Variants in KRT1 observed in about 807,000 individuals in gnomAD.
KRT1 encodes keratin, type II cytoskeletal 1.
In KRT1, 28 loss-of-function variants were observed where a neutral mutation model predicts 51.6. The ratio of observed to expected loss-of-function variants is 0.54; its 90% CI spans 0.40 to 0.74. The LOEUF is 0.74. Among genes scored for constraint, KRT1 ranks in the 30% least tolerant of loss-of-function variants. The probability of loss-of-function intolerance (pLI) is 0.00; values close to 1 mark genes in which losing one functional copy is unlikely to be tolerated. For synonymous variants in KRT1, 301 were observed against 307.7 expected (o/e 0.98, Z 0.23); for missense variants, 783 against 815.5 (o/e 0.96, Z 0.49).
rs375014464 is a variant in KRT1 at position 52,678,234 on chromosome 12, G to A, written c.807-11C>T. 1.1e-5 allele frequency: 17 copies of A among 1,613,754 alleles called. No individual in the cohort carries two copies. The highest frequency in any genetic ancestry group is 9.9e-5 in the South Asian group (9 of 91,060). On this transcript the variant is annotated splice_polypyrimidine_tract_variant and intron_variant, in intron 2 of 8. Coordinates refer to ENST00000252244, the MANE Select transcript of KRT1 (RefSeq NM_006121.4). ...ATTTCATCCTCATACCTGCAGGAAA[G>A]CAGAAACAATTAGGAGATTCAGAGG...
Position 52,679,878 on chromosome 12 carries a change from G to A in KRT1, c.471C>T (p.Ile157=), listed in dbSNP as rs751192331. 3.7e-6 allele frequency: 6 copies of A among 1,613,958 alleles called. No homozygotes were observed. The highest frequency in any genetic ancestry group is 1.3e-5 in the African/African-American group (1 of 74,882). Residue 157 remains isoleucine, a synonymous_variant, in exon 1 of 9, where the codon ATC becomes ATT. Coordinates refer to ENST00000252244, the MANE Select transcript of KRT1 (RefSeq NM_006121.4). ...TGAGGGGCTGAAGAAGGCTCTGGTT[G>A]ATAGTGACTTCTTGTATGCCACCAG... ...CPPGGIQEVT[I]NQSLLQPLNV...
intron 7 of KRT1, 131 bp from the exon 8 acceptor site, chr12:52,675,875 C>A (rs988021752): frequency 1.9e-6 from 2 of 1,055,252 alleles, no homozygotes; most frequent in Non-Finnish European, 2.9e-6. Context: ...GAAACTTAAT[C>A]CAATCCCCTC....
chr12:52,679,409 T>A (rs1284211757), intron 1 of KRT1, among the ~76,000 whole-genome samples: 2 of 152,144 alleles, frequency 1.3e-5, no homozygotes, highest in Non-Finnish European at 2.9e-5. Context: ...TAGGAAGACC[T>A]TTCCAGGGTT....
At chr12:52,676,940 G>C in intron 6 of KRT1, 119 bp downstream of exon 6, 1 of 1,340,386 alleles carries the variant, frequency 7.5e-7, no homozygotes, top group Non-Finnish European at 1.1e-6. Flanking sequence ...AAAGGAACCA[G>C]GGATAATAAT....
intron 2 of KRT1, 142 bp downstream of exon 2, chr12:52,678,400 T>C (rs113126271): frequency 9.4e-7 from 1 of 1,060,892 alleles, no homozygotes; most frequent in South Asian, 1.3e-5. Flanking sequence ...CCTGAGAAAA[T>C]GAAGATTTCT....
Position 52,677,692 on chromosome 12 carries a change from G to A in KRT1, c.921C>T (p.Asn307=), listed in dbSNP as rs202173344. 3.7e-5 allele frequency: 60 copies of A among 1,614,084 alleles called. No homozygotes were observed. Among genetic ancestry groups the A allele is most frequent in the Non-Finnish European group, 4.8e-5 (57 of 1,180,054 alleles). ...TKVDLQAKLD[N]LQQEIDFLTA... is the part of the protein sequence containing the mutation. ...TAAGGAAATCAATTTCCTGCTGCAA[G>A]TTGTCAAGTTTGGCCTGAAGGTCCA... is the stretch of plus-strand genomic sequence containing the variant. The change falls in exon 4 of 9, where the codon AAC becomes AAT. Residue 307 remains asparagine (N), a synonymous_variant. Transcript: ENST00000252244.
chr12:52,676,208 A>G (rs3891204), intron 7 of KRT1, 67 bp downstream of exon 7: 10 of 1,329,056 alleles, frequency 7.5e-6, no homozygotes, highest in Non-Finnish European at 1.1e-5. Flanking sequence ...TGCATCTTCA[A>G]CAACAATCAG....
In KRT1 at chr12:52,680,065, C is replaced by A. The variant is rs754553875; in HGVS notation, c.284G>T (p.Gly95Val). ...GCCACCACCACCAAAGCCACCACCA[C>A]CATAACCACCACCAAAGCCACTACC... The part of the protein sequence containing the change: ...GRGSGFGGGY[G>V]GGGFGGGGFG... Residue 95 changes from glycine to valine, a missense_variant, in exon 1 of 9, where the codon GGT (glycine) becomes GTT (valine). Physicochemically the swap from Gly to Val is moderately radical, Grantham distance 109 (BLOSUM62 -3). Transcript: ENST00000252244. The A allele has an allele frequency of 7.1e-6, 11 of 1,554,956 alleles. No homozygotes were observed. Among genetic ancestry groups the A allele is most frequent in the Non-Finnish European group, 8.7e-6 (10 of 1,149,022 alleles).
chr12:52,678,658 G>T lies in KRT1; in HGVS notation c.690C>A (p.Tyr230Ter). 6.2e-7 allele frequency: 1 copy of T among 1,614,214 alleles called. No homozygotes were observed. Among genetic ancestry groups the T allele is most frequent in the Non-Finnish European group, 8.5e-7 (1 of 1,180,040 alleles). The stretch of plus-strand genomic sequence containing the variant: ...GGAGATTGTTGATGAATGACTCAAA[G>T]TAGGGCTCTAAATTATGGGTTCTAG... ...TSTRTHNLEP[Y>*]FESFINNLRR... Residue 230 changes from tyrosine to a stop codon, truncating the protein, a stop_gained, in exon 2 of 9, where the codon TAC becomes TAA. Transcript: ENST00000252244. LOFTEE classifies it high-confidence loss of function.
intron 1 of KRT1, 105 bp downstream of exon 1, chr12:52,679,653 T>A (rs2121009887): frequency 1.0e-6 from 1 of 998,050 alleles, no homozygotes; most frequent in East Asian, 2.4e-5. Context: ...ATCCTTTTAA[T>A]CATGTAAACA....
Position 52,675,343 on chromosome 12 carries a change from G to T in KRT1, c.1785C>A (p.Gly595=), listed in dbSNP as rs1941483571. The T allele has an allele frequency of 6.2e-7, 1 of 1,610,418 alleles. No individual in the cohort carries two copies. Among genetic ancestry groups the T allele is most frequent in the South Asian group, 1.1e-5 (1 of 90,918 alleles). The change falls in exon 9 of 9, where the codon GGC becomes GGA. Residue 595 remains glycine (G), a synonymous_variant. Transcript: ENST00000252244. ...GGYRGGSGGG[G]GGSSGGRGSG... Reference sequence around the variant, plus strand: ...AGCCCCGGCCGCCAGAGCTGCCGCCGCCGCCGCCTCCAGAGCCACCTCTGT... The same window carrying T: ...AGCCCCGGCCGCCAGAGCTGCCGCCTCCGCCGCCTCCAGAGCCACCTCTGT...
At position 52,675,392 on chromosome 12, in the gene KRT1, C is replaced by G; in HGVS notation, c.1736G>C (p.Gly579Ala). The change falls in exon 9 of 9, where the codon GGC becomes GCC. Residue 579 changes from glycine (G) to alanine (A), a missense_variant. Physicochemically the swap from Gly to Ala is moderately conservative, Grantham distance 60. Coordinates refer to ENST00000252244, the MANE Select transcript of KRT1 (RefSeq NM_006121.4). The stretch of plus-strand genomic sequence containing the variant: ...GTAGCCCCCACTGCTGCTTCCGGAG[C>G]CGTAGCTGCCATGGCCGCCGCCGCC... ...GGGGGGHGSY[G>A]SGSSSGGYRG... is the part of the protein sequence containing the mutation. 1 of 1,582,252 alleles carries G rather than the reference C, an allele frequency of 6.3e-7. No individual in the cohort carries two copies. Among genetic ancestry groups the G allele is most frequent in the Non-Finnish European group, 8.6e-7 (1 of 1,160,362 alleles).
chr12:52,676,211 A>G, intron 7 of KRT1, 64 bp downstream of exon 7: 3 of 1,347,690 alleles, frequency 2.2e-6, no homozygotes, highest in Non-Finnish European at 3.2e-6. Context: ...ATCTTCAACA[A>G]CAATCAGCTT....
At position 52,677,713 on chromosome 12, in the gene KRT1, G is replaced by A. The variant is rs1196987287; in HGVS notation, c.900C>T (p.Asp300=). The A allele has an allele frequency of 1.2e-6, 2 of 1,614,126 alleles. No homozygotes were observed. Among genetic ancestry groups the A allele is most frequent in the Admixed American group, 3.3e-5 (2 of 60,010 alleles). The change falls in exon 4 of 9, where the codon GAC becomes GAT. Residue 300 remains aspartate (D), a synonymous_variant. Coordinates refer to ENST00000252244, the MANE Select transcript of KRT1 (RefSeq NM_006121.4). ...DVDGAYMTKV[D]LQAKLDNLQQ... ...GCAAGTTGTCAAGTTTGGCCTGAAG[G>A]TCCACCTTGGTCATATAAGCACCAT...
intron 1 of KRT1, among the ~76,000 whole-genome samples, chr12:52,678,973 A>G (rs1941548152): frequency 6.6e-6 from 1 of 152,236 alleles, no homozygotes; most frequent in Non-Finnish European, 1.5e-5. Context: ...TACCAATAGC[A>G]AAGCGCATAC....
intron 7 of KRT1, 46 bp downstream of exon 7, chr12:52,676,229 A>T: frequency 6.8e-7 from 1 of 1,474,280 alleles, no homozygotes; most frequent in Non-Finnish European, 9.5e-7. Context: ...CTTGCAAGGA[A>T]GGAAGACCAT....
chr12:52,677,219 C>T (rs1565647017), intron 5 of KRT1, 35 bp from the exon 6 acceptor site: 1 of 1,614,138 alleles, frequency 6.2e-7, no homozygotes, highest in Middle Eastern at 1.6e-4. Flanking sequence ...TAAATGTAGG[C>T]AGAACTCAGC....
chr12:52,678,557 T>C lies in KRT1; in HGVS notation c.791A>G (p.Glu264Gly). ...SELKNMQDMV[E>G]DYRNKYEDEI... ...GGTCCCTTACTTGTTCCGGTAATCCTCCACCATGTCCTGCATGTTCTTCAG... is the reference window on the plus strand; with the variant it reads ...GGTCCCTTACTTGTTCCGGTAATCCCCCACCATGTCCTGCATGTTCTTCAG... Residue 264 changes from glutamate (E) to glycine (G), a missense_variant, in exon 2 of 9, where the codon GAG becomes GGG. Coordinates refer to ENST00000252244, the MANE Select transcript of KRT1 (RefSeq NM_006121.4). The C allele has an allele frequency of 6.2e-7, 1 of 1,614,242 alleles. No individual in the cohort carries two copies. The highest frequency in any genetic ancestry group is 8.5e-7 in the Non-Finnish European group (1 of 1,180,038).
rs1405186447 is a variant in KRT1, at chr12:52,677,667, T to C, written c.946A>G (p.Thr316Ala). 1 of 1,614,072 alleles carries C rather than the reference T, an allele frequency of 6.2e-7. No individual in the cohort carries two copies. The highest frequency in any genetic ancestry group is 1.3e-5 in the African/African-American group (1 of 74,936). ...DNLQQEIDFL[T>A]ALYQAELSQM... ...AGACTTACTGCTTGGTAGAGTGCTG[T>C]AAGGAAATCAATTTCCTGCTGCAAG... Residue 316 changes from threonine (T) to alanine (A), a missense_variant, in exon 4 of 9, where the codon ACA (threonine) becomes GCA (alanine). Coordinates refer to ENST00000252244, the MANE Select transcript of KRT1 (RefSeq NM_006121.4).
Sources: allele counts gnomAD v4.1 joint callset (sites outside exome capture counted in the v4.1 genomes callset), GRCh38; gene constraint gnomAD v4.1.1; transcripts MANE v1.5; gene names NCBI Gene and HGNC (gene_info 2026-07-23, HGNC 2026-07-21).